The following C3 variants were observed in gnomAD, a reference collection of about 807,000 sequenced individuals.
The protein encoded by C3 is C3 and PZP-like alpha-2-macroglobulin domain-containing protein 1.
A neutral mutation model predicts 207.9 loss-of-function variants in C3; 97 were observed. The observed-to-expected ratio is 0.47, with a 90% CI of 0.40 to 0.55. The LOEUF (loss-of-function observed/expected upper bound fraction) is 0.55. Ranked by LOEUF, C3 falls within the 20% of genes least tolerant of loss-of-function variation. The pLI is 0.00. For synonymous variants in C3, 848 were observed against 857.6 expected (o/e 0.99, Z 0.20); for missense variants, 1,684 against 2,171.7 (o/e 0.78, Z 4.46).
chr19:6,678,466 G>C lies in C3; in HGVS notation c.4631-11C>G. ...GTCGGGTCTTGTACACTGTGGGGGA[G>C]AGGCAGACAGTTTGGGTGGTGGGCT... On this transcript the variant is annotated splice_polypyrimidine_tract_variant and intron_variant, in intron 38 of 40. Transcript: ENST00000245907. 1 of 1,613,054 alleles carries C rather than the reference G, an allele frequency of 6.2e-7. No homozygotes were observed. Among genetic ancestry groups the C allele is most frequent in the South Asian group, 1.1e-5 (1 of 91,050 alleles).
At chr19:6,714,490 C>T (rs144292210) in intron 4 of C3, 44 bp from the exon 5 acceptor site, 330 of 1,415,612 alleles carry the variant, frequency 2.3e-4, no homozygotes, top group Admixed American at 3.2e-4. Flanking sequence ...AGTGGCTCTT[C>T]GGAGGCTGGG....
At chr19:6,701,955 TA>T (rs1967683490) in intron 19 of C3, among the ~76,000 whole-genome samples, 171 bp downstream of exon 19, 1 of 152,192 alleles carries the variant, frequency 6.6e-6, no homozygotes, top group Admixed American at 6.5e-5. Flanking sequence ...TCTTCCAAGT[TA>T]GACAGGAACT....
At chr19:6,687,141 T>C (rs1475776389) in intron 27 of C3, among the ~76,000 whole-genome samples, 1 of 152,170 alleles carries the variant, frequency 6.6e-6, no homozygotes, top group Non-Finnish European at 1.5e-5. Context: ...GGTAAAAGTT[T>C]AACAGCCAGC....
rs757640085 is a variant in C3 at position 6,694,536 on chromosome 19, C to G, written c.3049G>C (p.Gly1017Arg). Residue 1017 changes from glycine (G) to arginine (R), a missense_variant, in exon 24 of 41, where the codon GGC becomes CGC. Gly to Arg is a moderately radical substitution (Grantham distance 125). This residue lies in a region of C3 where 1,280 missense variants were observed against 1,739.1 expected (regional missense o/e 0.74). Coordinates refer to ENST00000245907, the MANE Select transcript of C3 (RefSeq NM_000064.4). ...ACAGCGATGACCGTGGGCGTCATGC[C>G]GATCATGTTCTGTTCCCCGCAGCCC... is the stretch of plus-strand genomic sequence containing the variant. The part of the protein sequence containing the change: ...PSGCGEQNMI[G>R]MTPTVIAVHY... 11 of 1,613,990 alleles carry G rather than the reference C, an allele frequency of 6.8e-6. No individual in the cohort carries two copies. The highest frequency in any genetic ancestry group is 8.5e-6 in the Non-Finnish European group (10 of 1,180,004).
chr19:6,712,480 T>G (rs1599524079), intron 10 of C3, 28 bp downstream of exon 10: 1 of 1,613,200 alleles, frequency 6.2e-7, no homozygotes, highest in East Asian at 2.2e-5. Context: ...AAGGGAGGAG[T>G]GGGACCCCTT....
intron 15 of C3, 23 bp downstream of exon 15, chr19:6,707,777 C>T: frequency 6.2e-7 from 1 of 1,612,266 alleles, no homozygotes; most frequent in Non-Finnish European, 8.5e-7. Context: ...TGTCCCTGCA[C>T]CGGCCCCTGG....
At chr19:6,704,242 G>A (rs1208486095) in intron 17 of C3, among the ~76,000 whole-genome samples, 10 of 151,996 alleles carry the variant, frequency 6.6e-5, no homozygotes, top group Admixed American at 4.6e-4. Context: ...AGCTGTGATC[G>A]CACCACTGCA....
chr19:6,693,350 G>A, intron 25 of C3, 62 bp downstream of exon 25: 1 of 1,501,166 alleles, frequency 6.7e-7, no homozygotes, highest in East Asian at 2.4e-5. Context: ...GCCAGGGTCC[G>A]GGCCCTGCTG....
intron 35 of C3, 126 bp from the exon 36 acceptor site, chr19:6,680,389 A>T: frequency 1.4e-6 from 1 of 689,992 alleles, no homozygotes; most frequent in Non-Finnish European, 2.7e-6. Flanking sequence ...TGAATGAGCA[A>T]TTCAGCAAAT....
intron 35 of C3, among the ~76,000 whole-genome samples, chr19:6,681,652 A>G (rs1216187338): frequency 1.3e-5 from 2 of 151,492 alleles, no homozygotes; most frequent in East Asian, 3.9e-4. Flanking sequence ...AAAGCACTTA[A>G]AAAAAAAACC....
At chr19:6,684,217 A>G in intron 33 of C3, 171 bp downstream of exon 33, 1 of 729,230 alleles carries the variant, frequency 1.4e-6, no homozygotes, top group Non-Finnish European at 2.5e-6. Context: ...GTCTCACATT[A>G]ACATGCAAAG....
chr19:6,696,743 T>C, intron 21 of C3, 84 bp from the exon 22 acceptor site: 5 of 1,349,654 alleles, frequency 3.7e-6, no homozygotes, highest in South Asian at 3.5e-5. Flanking sequence ...GCACTGTCCT[T>C]AGGATCACCC....
In C3 at chr19:6,712,634, C is replaced by T. The variant is rs747222734; in HGVS notation, c.1004-11G>A. On this transcript the variant is annotated splice_polypyrimidine_tract_variant and intron_variant, in intron 9 of 40. Coordinates refer to ENST00000245907, the MANE Select transcript of C3 (RefSeq NM_000064.4). The stretch of plus-strand genomic sequence containing the variant: ...GCACCATGTCACTGCCTGAGGGGAC[C>T]AGCTGTGAGTGTAGGCTTCTGGGCC... The T allele has an allele frequency of 2.5e-6, 4 of 1,609,560 alleles. No homozygotes were observed. In the South Asian group the frequency reaches 4.4e-5, roughly 18 times the overall value.
At chr19:6,702,073 C>T in intron 19 of C3, 54 bp downstream of exon 19, 2 of 930,220 alleles carry the variant, frequency 2.2e-6, no homozygotes, top group Non-Finnish European at 3.6e-6. Flanking sequence ...TGAGATGACA[C>T]TCAGACACCC....
In C3 at chr19:6,707,203, C is replaced by G; in HGVS notation, c.2118G>C (p.Ser706=). Reference sequence around the variant, plus strand: ...AGATGAAACGGGTCCGGCGCTGGCACGAGAACCTCATGGGGTTCTCCCGCA... The same window carrying G: ...AGATGAAACGGGTCCGGCGCTGGCAGGAGAACCTCATGGGGTTCTCCCGCA... ...DGMRENPMRF[S]CQRRTRFISL... is the part of the protein sequence containing the mutation. The change falls in exon 17 of 41, where the codon TCG becomes TCC. Residue 706 remains serine (S), a synonymous_variant. Coordinates refer to ENST00000245907, the MANE Select transcript of C3 (RefSeq NM_000064.4). 6.2e-7 allele frequency: 1 copy of G among 1,613,710 alleles called. No individual in the cohort carries two copies. The highest frequency in any genetic ancestry group is 8.5e-7 in the Non-Finnish European group (1 of 1,179,850).
At position 6,682,026 on chromosome 19, in the gene C3, G is replaced by T. The variant is rs377358917; in HGVS notation, c.4265C>A (p.Ala1422Asp). 4 of 1,613,662 alleles carry T rather than the reference G, an allele frequency of 2.5e-6. No homozygotes were observed. The highest frequency in any genetic ancestry group is 2.5e-6 in the Non-Finnish European group (3 of 1,179,686). Residue 1422 changes from alanine to aspartate, a missense_variant, in exon 35 of 41, where the codon GCC (alanine) becomes GAC (aspartate). By Grantham distance (126) the Ala-to-Asp change is moderately radical. Around this residue, in one of 3 missense-constraint regions of C3, gnomAD observed 346 missense variants for 380.1 expected, o/e 0.91. Transcript: ENST00000245907. Reference protein sequence around the residue: ...APDTDDLKQLANGVDRYISKY... With the variant: ...APDTDDLKQLDNGVDRYISKY... ...GGAGATGTATCTGTCAACACCATTGGCCAGCTGGGGAAAGGTGGAGCCTGT... is the reference window on the plus strand; with the variant it reads ...GGAGATGTATCTGTCAACACCATTGTCCAGCTGGGGAAAGGTGGAGCCTGT...
At chr19:6,708,811 T>A (rs1028621851) in intron 14 of C3, among the ~76,000 whole-genome samples, 1 of 151,746 alleles carries the variant, frequency 6.6e-6, no homozygotes, top group Non-Finnish European at 1.5e-5. Context: ...CTCTGCCTCC[T>A]GAGCAGATGG....
At chr19:6,711,235 G>C (rs375029758) in intron 11 of C3, 39 bp from the exon 12 acceptor site, 1 of 1,553,014 alleles carries the variant, frequency 6.4e-7, no homozygotes, top group Non-Finnish European at 8.8e-7. Flanking sequence ...GTCGCCGCCC[G>C]AGGATACCCA....
At position 6,680,212 on chromosome 19, in the gene C3, T is replaced by G. The variant is rs759216160; in HGVS notation, c.4402A>C (p.Asn1468His). ...CLAFKVHQYF[N>H]VELIQPGAVK... Reference sequence around the variant, plus strand: ...GCTCCAGGCTGGATAAGCTCTACATTAAAGTATTGGTGAACTTTGAAAGCT... The same window carrying G: ...GCTCCAGGCTGGATAAGCTCTACATGAAAGTATTGGTGAACTTTGAAAGCT... Residue 1468 changes from asparagine (N) to histidine (H), a missense_variant, in exon 36 of 41, where the codon AAT becomes CAT. By Grantham distance (68) the Asn-to-His change is moderately conservative. Transcript: ENST00000245907. 18 of 1,613,538 alleles carry G rather than the reference T, an allele frequency of 1.1e-5. No individual in the cohort carries two copies. Among genetic ancestry groups the G allele is most frequent in the Non-Finnish European group, 8.5e-7 (1 of 1,179,580 alleles).
Sources: gnomAD v4.1 joint callset for allele counts (sites outside exome capture counted in the v4.1 genomes callset) on GRCh38, gnomAD v4.1.1 for gene constraint, gnomAD v4.1.1 regional missense constraint, MANE v1.5 for transcripts, NCBI Gene and HGNC (gene_info 2026-07-23, HGNC 2026-07-21) for gene names.